PCDHGB3: variants seen among roughly 807,000 people sequenced by gnomAD.
PCDHGB3 encodes the protein protocadherin gamma-B3.
A neutral mutation model predicts 59.2 loss-of-function variants in PCDHGB3; 40 were observed. The observed-to-expected ratio is 0.68, with a 90% CI of 0.52 to 0.88. The LOEUF is 0.88. Among genes scored for constraint, PCDHGB3 ranks in the 40% least tolerant of loss-of-function variants. The probability of loss-of-function intolerance (pLI) is 0.00; values close to 1 mark genes in which losing one functional copy is unlikely to be tolerated. For synonymous variants in PCDHGB3, 581 were observed against 503.6 expected (o/e 1.15, Z -2.06); for missense variants, 1,309 against 1,187.9 (o/e 1.10, Z -1.50).
intron 1 of PCDHGB3, among the ~76,000 whole-genome samples, chr5:141,379,851 T>G (rs1388767497): frequency 6.7e-6 from 1 of 148,750 alleles, no homozygotes; most frequent in Non-Finnish European, 1.5e-5. Context: ...AACTACCAAA[T>G]TATTGTCTTA....
intron 1 of PCDHGB3, chr5:141,375,524 G>A (rs746416710): frequency 1.9e-6 from 3 of 1,613,986 alleles, no homozygotes; most frequent in Middle Eastern, 1.6e-4. Flanking sequence ...GGACCCTGAC[G>A]TGGACCAGAA....
intron 1 of PCDHGB3, among the ~76,000 whole-genome samples, chr5:141,438,591 CATATATATATATATATATAT>C (rs946798767): frequency 2.1e-4 from 16 of 75,572 alleles, no homozygotes; most frequent in Middle Eastern, 0.016. Context: ...TACATACATA[CATATATATATATATATATAT>C]ATATATATAT....
At chr5:141,398,256 G>C in intron 1 of PCDHGB3, 3 of 1,460,296 alleles carry the variant, frequency 2.1e-6, no homozygotes, top group Non-Finnish European at 9.3e-7. Flanking sequence ...AAATGCCCAA[G>C]GGCTCCGTAG....
At chr5:141,417,859 G>T (rs925593025) in intron 1 of PCDHGB3, 10 of 1,548,090 alleles carry the variant, frequency 6.5e-6, no homozygotes, top group African/African-American at 2.7e-5. Context: ...CCGAGCGAAC[G>T]ATGGGAGGGA....
chr5:141,415,101 C>T, intron 1 of PCDHGB3: 1 of 1,613,550 alleles, frequency 6.2e-7, no homozygotes, highest in South Asian at 1.1e-5. Context: ...GAGACGCGCT[C>T]AAGCAAAGCC....
chr5:141,404,133 T>C, intron 1 of PCDHGB3: 1 of 1,613,108 alleles, frequency 6.2e-7, no homozygotes, highest in Non-Finnish European at 8.5e-7. Flanking sequence ...TCTTTTACAT[T>C]AGAAAATTCA....
chr5:141,409,802 G>A (rs2095317294), intron 1 of PCDHGB3: 10 of 1,611,810 alleles, frequency 6.2e-6, no homozygotes, highest in Non-Finnish European at 7.6e-6. Context: ...CACGCTGCAG[G>A]CCCGCGACCA....
chr5:141,371,621 C>T lies in PCDHGB3; in HGVS notation c.1227C>T (p.Ala409=). 6.2e-7 allele frequency: 1 copy of T among 1,613,986 alleles called. No individual in the cohort carries two copies. Among genetic ancestry groups the T allele is most frequent in the Middle Eastern group, 1.6e-4 (1 of 6,062 alleles). The change falls in exon 1 of 4, where the codon GCC becomes GCT. Residue 409 remains alanine, a synonymous_variant. Coordinates refer to ENST00000576222, the MANE Select transcript of PCDHGB3 (RefSeq NM_018924.5). ...KNTYRLVTDG[A]LDREQIPEYN... Reference sequence around the variant, plus strand: ...CATACAGGTTGGTGACAGATGGAGCCCTGGACCGGGAGCAGATCCCAGAAT... The same window carrying T: ...CATACAGGTTGGTGACAGATGGAGCTCTGGACCGGGAGCAGATCCCAGAAT...
Position 141,432,201 on chromosome 5 carries a change from G to T in PCDHGB3, c.2415+59392G>T, listed in dbSNP as rs761075658. On this transcript the variant is annotated intron_variant, in intron 1 of 3. Transcript: ENST00000576222. This position sits in a 1 kb window ranked among gnomAD's most constrained non-coding sequence, Gnocchi z 6.0. ...TCTGTGACCGCCCACGACCCCGACT[G>T]TGAAGAGAACGCCCAGATCACTTAT... 1.8e-5 allele frequency: 29 copies of T among 1,614,092 alleles called. No homozygotes were observed. The South Asian group carries it at 2.9e-4, about 16-fold the overall frequency.
intron 1 of PCDHGB3, chr5:141,385,140 G>T: frequency 1.9e-6 from 3 of 1,614,190 alleles, no homozygotes; most frequent in Non-Finnish European, 2.5e-6. Context: ...ACGGGGTGCA[G>T]GCTTTCCTGC....
chr5:141,489,864 T>G lies in PCDHGB3; in HGVS notation c.2416-4943T>G, dbSNP rs1274301673. ...TGGATCGTGAAGCCCAGGCAAGACA[T>G]CAGCTGGTGCTTACTGCTGTGGATG... On this transcript the variant is annotated intron_variant, in intron 1 of 3. Coordinates refer to ENST00000576222, the MANE Select transcript of PCDHGB3 (RefSeq NM_018924.5). This position sits in a 1 kb window ranked among gnomAD's most constrained non-coding sequence, Gnocchi z 4.5. 5 of 1,614,064 alleles carry G rather than the reference T, an allele frequency of 3.1e-6. No individual in the cohort carries two copies. The highest frequency in any genetic ancestry group is 3.4e-6 in the Non-Finnish European group (4 of 1,180,022).
At chr5:141,437,741 CTT>C (rs35124340) in intron 1 of PCDHGB3, among the ~76,000 whole-genome samples, 17 of 141,612 alleles carry the variant, frequency 1.2e-4, no homozygotes, top group Admixed American at 2.1e-4. Flanking sequence ...TTGAGTTCAC[CTT>C]TTTTTTTTTT....
In PCDHGB3 at chr5:141,477,532, C is replaced by T. The variant is rs754570150; in HGVS notation, c.2416-17275C>T. On this transcript the variant is annotated intron_variant, in intron 1 of 3. Transcript: ENST00000576222. This position sits in a 1 kb window ranked among gnomAD's most constrained non-coding sequence, Gnocchi z 4.9. ...TTTACATTGAAGAAAACAACCTCCC[C>T]GGGGCTCCAATACTAAACCTAAGTG... 2.5e-6 allele frequency: 4 copies of T among 1,614,028 alleles called. No individual in the cohort carries two copies. Among genetic ancestry groups the T allele is most frequent in the Admixed American group, 1.7e-5 (1 of 60,000 alleles).
intron 1 of PCDHGB3, chr5:141,384,439 C>A (rs1314559914): frequency 6.2e-7 from 1 of 1,614,016 alleles, no homozygotes; most frequent in South Asian, 1.1e-5. Flanking sequence ...CACTGGAGTC[C>A]TGTACGCGCT....
rs565813908 is a variant in PCDHGB3 at position 141,503,968 on chromosome 5, G to A, written c.2475-1425G>A. Among the ~76,000 whole-genome samples, 14 of 152,182 alleles carry A rather than the reference G, an allele frequency of 9.2e-5. No homozygotes were observed. The South Asian group carries it at 2.7e-3, about 29-fold the overall frequency. ...GGCCTACCCTACAGCCTTTCCCATG[G>A]TGCCAAACCCTTCTTCTTACCTTAC... On this transcript the variant is annotated intron_variant, in intron 2 of 3. Transcript: ENST00000576222.
At position 141,371,570 on chromosome 5, in the gene PCDHGB3, T is replaced by C. The variant is rs767925650; in HGVS notation, c.1176T>C (p.Phe392=). 3 of 1,613,762 alleles carry C rather than the reference T, an allele frequency of 1.9e-6. No homozygotes were observed. The highest frequency in any genetic ancestry group is 3.3e-5 in the Admixed American group (2 of 59,998). ...ILCQLKGNFP[F]KIVQDTKNTY... ...GCCAACTAAAAGGAAACTTCCCCTTTAAAATCGTTCAAGATACCAAAAACA... is the reference window on the plus strand; with the variant it reads ...GCCAACTAAAAGGAAACTTCCCCTTCAAAATCGTTCAAGATACCAAAAACA... Residue 392 remains phenylalanine, a synonymous_variant, in exon 1 of 4, where the codon TTT becomes TTC. Coordinates refer to ENST00000576222, the MANE Select transcript of PCDHGB3 (RefSeq NM_018924.5).
In PCDHGB3 at chr5:141,371,087, T is replaced by C. The variant is rs761408104; in HGVS notation, c.693T>C (p.Ile231=). ...GCTGTACCACCCAGATCAGGGTAAT[T>C]GTCGCAGATGCAAATGATAACCCCC... ...SRSCTTQIRV[I]VADANDNPPV... Residue 231 remains isoleucine (I), a synonymous_variant, in exon 1 of 4, where the codon ATT becomes ATC. Transcript: ENST00000576222. 8 of 1,613,772 alleles carry C rather than the reference T, an allele frequency of 5.0e-6. No individual in the cohort carries two copies. The South Asian group carries it at 8.8e-5, about 18-fold the overall frequency.
intron 1 of PCDHGB3, chr5:141,393,480 T>G (rs1026854698): frequency 5.0e-6 from 8 of 1,613,942 alleles, no homozygotes; most frequent in Non-Finnish European, 6.8e-6. Context: ...GCCGCCTCGC[T>G]CTAGCACAGT....
intron 1 of PCDHGB3, among the ~76,000 whole-genome samples, chr5:141,430,388 A>G (rs2097280501): frequency 6.6e-6 from 1 of 152,106 alleles, no homozygotes; most frequent in Non-Finnish European, 1.5e-5. Flanking sequence ...ATTGGGAAAA[A>G]AAAAAAAAGC....
Sources: allele counts gnomAD v4.1 joint callset (sites outside exome capture counted in the v4.1 genomes callset), GRCh38; gene constraint gnomAD v4.1.1; non-coding constraint Gnocchi (gnomAD v3.1); transcripts MANE v1.5; gene names NCBI Gene and HGNC (gene_info 2026-07-23, HGNC 2026-07-21).